The following HOMER2 variants were observed in gnomAD, a reference collection of about 807,000 sequenced individuals.
HOMER2 encodes homer protein homolog 2.
In HOMER2, 27 loss-of-function variants were observed where a neutral mutation model predicts 47.0. The observed-to-expected ratio is 0.57, with a 90% CI of 0.42 to 0.79. The LOEUF is 0.79. Among genes scored for constraint, HOMER2 ranks in the 30% least tolerant of loss-of-function variants. The pLI, the probability that HOMER2 is intolerant of heterozygous loss-of-function variation, is 0.00. For synonymous variants in HOMER2, 161 were observed against 163.8 expected, an observed-to-expected ratio of 0.98 and a Z score of 0.13; for missense variants, 443 against 435.0, an observed-to-expected ratio of 1.02 and a Z score of -0.16.
chr15:82,928,045 G>A (rs566595343), intron 1 of HOMER2, among the ~76,000 whole-genome samples: 155 of 151,318 alleles, frequency 1.0e-3, no homozygotes, highest in Middle Eastern at 3.5e-3. Flanking sequence ...GACTGCCCAT[G>A]TGGGATGACT....
chr15:82,846,926 T>C (rs2051258684), downstream of HOMER2: 1 of 152,192 alleles, frequency 6.6e-6, no homozygotes. Context: ...AAGGTCCTCT[T>C]GGTTAAAGGG....
chr15:82,855,001 CA>C (rs2051527005), intron 5 of HOMER2, among the ~76,000 whole-genome samples: 1 of 152,186 alleles, frequency 6.6e-6, no homozygotes, highest in Non-Finnish European at 1.5e-5. Context: ...GTGAACATGT[CA>C]TCCTGTGGTC....
chr15:82,931,526 A>G (rs2054009907), intron 1 of HOMER2, among the ~76,000 whole-genome samples: 1 of 147,958 alleles, frequency 6.8e-6, no homozygotes, highest in South Asian at 2.2e-4. Context: ...TTGGTGAAGC[A>G]TGCCTGCTTT....
At chr15:82,880,787 T>C (rs549618607) in intron 2 of HOMER2, among the ~76,000 whole-genome samples, 1 of 152,076 alleles carries the variant, frequency 6.6e-6, no homozygotes, top group African/African-American at 2.4e-5. Context: ...GAGAGTGTCA[T>C]CTGGTGGAAG....
Position 82,947,665 on chromosome 15 carries a change from T to C in HOMER2, c.5+4866A>G, listed in dbSNP as rs183123324. On this transcript the variant is annotated intron_variant, in intron 1 of 8. Transcript: ENST00000450735. ...ATGTTAAAAGAAAGCTGCATCCAAA[T>C]GTGATCTCTTTCTCTCTTGGCCCTT... Among the ~76,000 whole-genome samples, 515 of 152,314 alleles carry C rather than the reference T, an allele frequency of 3.4e-3. 4 individuals carry two copies. The highest frequency in any genetic ancestry group is 0.024 in the Middle Eastern group (7 of 294).
chr15:82,901,362 G>A (rs8030940), intron 1 of HOMER2, among the ~76,000 whole-genome samples: 17,077 of 152,142 alleles, frequency 0.11, 1,063 homozygotes, highest in East Asian at 0.23. Context: ...ACATTACGGC[G>A]GCAGGGATGA....
At chr15:82,844,263 C>G (rs547764756), downstream of HOMER2, 2 of 152,008 alleles carry the variant, frequency 1.3e-5, no homozygotes, top group African/African-American at 4.8e-5. Flanking sequence ...GAGGCGCGTA[C>G]TTTTGAGCCA....
chr15:82,958,144 T>C (rs1239619950), exon 2 of HOMER2: 2 of 152,154 alleles, frequency 1.3e-5, no homozygotes, highest in Non-Finnish European at 2.9e-5. Context: ...GCCTACCCAT[T>C]TATTTAATCT....
intron 1 of HOMER2, among the ~76,000 whole-genome samples, chr15:82,922,776 T>C (rs2053762000): frequency 6.6e-6 from 1 of 152,140 alleles, no homozygotes; most frequent in South Asian, 2.1e-4. Context: ...ACTCAGCCTT[T>C]GTCTCCACCT....
At chr15:82,980,899 A>C (rs1167595023) in intron 1 of HOMER2, among the ~76,000 whole-genome samples, 1 of 152,166 alleles carries the variant, frequency 6.6e-6, no homozygotes, top group East Asian at 1.9e-4. Flanking sequence ...AAGATAGAGA[A>C]GTATAAACTG....
intron 1 of HOMER2, among the ~76,000 whole-genome samples, chr15:82,918,307 T>C (rs1193318330): frequency 6.6e-6 from 1 of 152,148 alleles, no homozygotes. Context: ...CACGGTGCTC[T>C]GGGGTTCAGG....
chr15:82,952,349 G>A (rs1232688380), intron 1 of HOMER2, among the ~76,000 whole-genome samples, 182 bp downstream of exon 1: 1 of 152,092 alleles, frequency 6.6e-6, no homozygotes, highest in African/African-American at 2.4e-5. Context: ...GGGTGTCCGC[G>A]TGCCCCGGCG....
intron 3 of HOMER2, among the ~76,000 whole-genome samples, chr15:82,868,901 G>A (rs755564151): frequency 7.4e-4 from 113 of 151,922 alleles, no homozygotes; most frequent in Non-Finnish European, 1.4e-3. Flanking sequence ...GTAGGAGGCA[G>A]GACTCAACTC....
At chr15:82,925,041 G>T (rs1181591521) in intron 1 of HOMER2, among the ~76,000 whole-genome samples, 2 of 152,166 alleles carry the variant, frequency 1.3e-5, no homozygotes, top group African/African-American at 4.8e-5. Flanking sequence ...GAGGTGCTCA[G>T]CTGATCTTGG....
chr15:82,919,369 G>T (rs998326240), intron 1 of HOMER2, among the ~76,000 whole-genome samples: 5 of 152,206 alleles, frequency 3.3e-5, no homozygotes, highest in Non-Finnish European at 5.9e-5. Context: ...TGGCCTGTTG[G>T]CCAGACGCCC....
chr15:82,851,109 T>G (rs1208937937), intron 8 of HOMER2, 42 bp downstream of exon 8: 1 of 1,305,718 alleles, frequency 7.7e-7, no homozygotes, highest in South Asian at 1.3e-5. Flanking sequence ...CATTTGTGCC[T>G]TCTTGTCTGA....
At chr15:82,857,585 C>T (rs35522893) in intron 5 of HOMER2, among the ~76,000 whole-genome samples, 17,464 of 151,972 alleles carry the variant, frequency 0.11, 1,344 homozygotes, top group Middle Eastern at 0.24. Flanking sequence ...CATGTATCAC[C>T]GTGCCCGGCC....
exon 2 of HOMER2, chr15:82,840,135 G>A (rs977570704): frequency 6.6e-6 from 1 of 152,042 alleles, no homozygotes; most frequent in Admixed American, 6.6e-5. Context: ...TGTATTTAGA[G>A]GAAAAGTCGT....
At chr15:82,974,997 G>A (rs2030154744) in intron 1 of HOMER2, among the ~76,000 whole-genome samples, 1 of 152,168 alleles carries the variant, frequency 6.6e-6, no homozygotes, top group South Asian at 2.1e-4. Flanking sequence ...GTGAACCCAG[G>A]TGGCAGAGAT....
Sources: gnomAD v4.1 joint callset for allele counts (sites outside exome capture counted in the v4.1 genomes callset) on GRCh38, gnomAD v4.1.1 for gene constraint, MANE v1.5 for transcripts, NCBI Gene and HGNC (gene_info 2026-07-23, HGNC 2026-07-21) for gene names.